STK38L: variants seen among roughly 807,000 people sequenced by gnomAD.
The protein encoded by STK38L is serine/threonine-protein kinase 38-like.
Under a neutral mutation model 59.7 loss-of-function variants are expected in STK38L, and 28 were observed. The observed-to-expected ratio is 0.47, with a 90% confidence interval of 0.35 to 0.64. The LOEUF (loss-of-function observed/expected upper bound fraction) is 0.64, where lower values mean the gene tolerates loss of function less well. STK38L is among the 30% of genes least tolerant of loss of function. The pLI is 0.01. For synonymous variants in STK38L, 162 were observed against 176.8 expected (o/e 0.92, Z 0.66); for missense variants, 314 against 555.8 (o/e 0.56, Z 4.37).
At chr12:27,260,559 T>A (rs1943184526) in intron 1 of STK38L, among the ~76,000 whole-genome samples, 1 of 152,222 alleles carries the variant, frequency 6.6e-6, no homozygotes, top group Non-Finnish European at 1.5e-5. Context: ...ACTCTCTCTG[T>A]GCCGTACTGA....
At chr12:27,273,529 T>C (rs1397234794) in intron 1 of STK38L, among the ~76,000 whole-genome samples, 1 of 152,242 alleles carries the variant, frequency 6.6e-6, no homozygotes, top group Non-Finnish European at 1.5e-5. Context: ...TGAGATAATG[T>C]ATATAAAGTA....
At chr12:27,309,699 G>A (rs996944731) in intron 5 of STK38L, among the ~76,000 whole-genome samples, 12 of 152,106 alleles carry the variant, frequency 7.9e-5, no homozygotes, top group African/African-American at 2.9e-4. Flanking sequence ...TCCAAATACA[G>A]CCTCATTGGA....
chr12:27,308,408 GGCTTGGATGACTTTGAGTCTCT>G lies in STK38L; in HGVS notation c.258_279del (p.Leu87LysfsTer3). 1 of 1,599,236 alleles carries G rather than the reference GGCTTGGATGACTTTGAGTCTCT, an allele frequency of 6.3e-7. No homozygotes were observed. Among genetic ancestry groups the G allele is most frequent in the Non-Finnish European group, 8.5e-7 (1 of 1,171,238 alleles). ...CTTACGGCTCAAAAGGACCAGACTT[GGCTTGGATGACTTTGAGTCTCT>G]GAAAGTTATAGGAAGAGGAGCTTTT... On this transcript the variant is annotated frameshift_variant, in exon 4 of 14. Coordinates refer to ENST00000389032, the MANE Select transcript of STK38L (RefSeq NM_015000.4). LOFTEE classifies it high-confidence loss of function. The surrounding 1 kb of genome is among the most constrained non-coding windows in gnomAD (Gnocchi z 4.5).
intron 11 of STK38L, 149 bp downstream of exon 11, chr12:27,318,168 T>G (rs571444699): frequency 9.7e-7 from 1 of 1,029,070 alleles, no homozygotes; most frequent in East Asian, 2.7e-5. Context: ...AAATGTAAAC[T>G]CTTAAAAGGA....
rs895317412 is a variant in STK38L, at chr12:27,308,042, A to T, written c.187-297A>T. Reference sequence around the variant, plus strand: ...CAGAATACCATTAACATTTACTAACATTTAATTTTTATTTATGGAATTGTT... The same window carrying T: ...CAGAATACCATTAACATTTACTAACTTTTAATTTTTATTTATGGAATTGTT... On this transcript the variant is annotated intron_variant, in intron 3 of 13. Coordinates refer to ENST00000389032, the MANE Select transcript of STK38L (RefSeq NM_015000.4). The surrounding 1 kb of genome is among the most constrained non-coding windows in gnomAD (Gnocchi z 4.5). Among the ~76,000 whole-genome samples, 6 of 152,076 alleles carry T rather than the reference A, an allele frequency of 3.9e-5. No individual in the cohort carries two copies. Among genetic ancestry groups the T allele is most frequent in the African/African-American group, 1.2e-4 (5 of 41,428 alleles).
chr12:27,296,561 C>T (rs1944027393), intron 1 of STK38L, among the ~76,000 whole-genome samples: 1 of 152,200 alleles, frequency 6.6e-6, no homozygotes, highest in African/African-American at 2.4e-5. Flanking sequence ...GGCTCTGTAT[C>T]TTCTTTACTT....
intron 2 of STK38L, among the ~76,000 whole-genome samples, chr12:27,299,791 A>G (rs954227470): frequency 3.9e-5 from 6 of 152,228 alleles, no homozygotes; most frequent in African/African-American, 1.2e-4. Flanking sequence ...AATTGGAATG[A>G]GAAAAAAAAA....
intron 1 of STK38L, among the ~76,000 whole-genome samples, chr12:27,287,691 C>T: frequency 6.6e-6 from 1 of 151,780 alleles, no homozygotes; most frequent in Non-Finnish European, 1.5e-5. Context: ...CTTTAGTTTT[C>T]ATGTGTGTCC....
At chr12:27,287,380 G>T (rs376677575) in intron 1 of STK38L, among the ~76,000 whole-genome samples, 1 of 152,100 alleles carries the variant, frequency 6.6e-6, no homozygotes, top group Admixed American at 6.5e-5. Flanking sequence ...AAAGTGCTGG[G>T]ATTACAGGCA....
rs1944536726 is a variant in STK38L at position 27,314,463 on chromosome 12, G to A, written c.518-41G>A. 2.8e-6 allele frequency: 4 copies of A among 1,419,536 alleles called. No homozygotes were observed. In the South Asian group the frequency reaches 6.6e-5, roughly 23 times the overall value. 87.9% of individuals were successfully genotyped at this position (1,419,536 alleles called of 1,614,324 possible). On this transcript the variant is annotated intron_variant, in intron 6 of 13. Transcript: ENST00000389032. ...CTTTTACAAGGTATTCCACCTTTGA[G>A]GCATTTTCAATAATAATATATTTGA...
chr12:27,290,670 G>A (rs1172232451), intron 1 of STK38L, among the ~76,000 whole-genome samples: 1 of 152,124 alleles, frequency 6.6e-6, no homozygotes, highest in African/African-American at 2.4e-5. Flanking sequence ...GAAGCAGGTG[G>A]GTAATAAAAT....
chr12:27,274,530 C>CTGTA (rs1433401338), intron 1 of STK38L, among the ~76,000 whole-genome samples: 1 of 152,200 alleles, frequency 6.6e-6, no homozygotes. Context: ...GAGTTACCAT[C>CTGTA]TGTACTGTGT....
intron 1 of STK38L, among the ~76,000 whole-genome samples, chr12:27,287,299 G>C (rs1382429157): frequency 6.6e-6 from 1 of 151,828 alleles, no homozygotes; most frequent in Non-Finnish European, 1.5e-5. Flanking sequence ...GTAGAGACAG[G>C]GTTTCACCAT....
At chr12:27,302,280 G>T (rs1012511312) in intron 3 of STK38L, 92 bp downstream of exon 3, 2 of 974,626 alleles carry the variant, frequency 2.1e-6, no homozygotes, top group Non-Finnish European at 3.0e-6. Flanking sequence ...AAATAATGTG[G>T]ATTTTATCAT....
intron 1 of STK38L, among the ~76,000 whole-genome samples, chr12:27,292,343 G>A (rs1254511832): frequency 2.2e-5 from 3 of 134,116 alleles, no homozygotes. Context: ...AATTTTTCTT[G>A]TTTTTAAAGC....
At chr12:27,248,856 G>GT (rs1036040956) in intron 1 of STK38L, among the ~76,000 whole-genome samples, 3 of 151,674 alleles carry the variant, frequency 2.0e-5, no homozygotes, top group Admixed American at 6.6e-5. Flanking sequence ...ATTTTAAAAA[G>GT]TTTTTTTTTG....
At chr12:27,251,959 G>C (rs2136601775) in intron 1 of STK38L, among the ~76,000 whole-genome samples, 1 of 152,216 alleles carries the variant, frequency 6.6e-6, no homozygotes, top group Non-Finnish European at 1.5e-5. Flanking sequence ...ATCCTAACAA[G>C]GGCTTGCTGA....
intron 1 of STK38L, 91 bp downstream of exon 1, chr12:27,244,423 G>A (rs1942804017): frequency 6.6e-6 from 1 of 152,644 alleles, no homozygotes; most frequent in Admixed American, 6.5e-5. Context: ...GATTTTAGGT[G>A]TCTTTGGGTG....
intron 1 of STK38L, among the ~76,000 whole-genome samples, chr12:27,260,765 T>G (rs1489843487): frequency 6.6e-6 from 1 of 152,126 alleles, no homozygotes; most frequent in Non-Finnish European, 1.5e-5. Flanking sequence ...TTTCTTTCCA[T>G]CCCCTCGCCC....
Sources: allele counts gnomAD v4.1 joint callset (sites outside exome capture counted in the v4.1 genomes callset), GRCh38; gene constraint gnomAD v4.1.1; non-coding constraint Gnocchi (gnomAD v3.1); transcripts MANE v1.5; gene names NCBI Gene and HGNC (gene_info 2026-07-23, HGNC 2026-07-21).